Variants in DYM observed in about 807,000 individuals in gnomAD.
The protein encoded by DYM is dymeclin.
DYM carries 78 observed loss-of-function variants against 93.1 expected under a neutral mutation model. The ratio of observed to expected loss-of-function variants is 0.84; its 90% confidence interval spans 0.70 to 1.01. The LOEUF is 1.01. DYM is among the 50% of genes least tolerant of loss of function. The pLI is 0.00. For synonymous variants in DYM, 321 were observed against 319.7 expected, an observed-to-expected ratio of 1.00 and a Z score of -0.04; for missense variants, 789 against 845.0, an observed-to-expected ratio of 0.93 and a Z score of 0.82.
intron 13 of DYM, among the ~76,000 whole-genome samples, chr18:49,212,649 C>G (rs1185810771): frequency 1.3e-5 from 2 of 152,076 alleles, no homozygotes; most frequent in East Asian, 3.9e-4. Flanking sequence ...GTGTGTGCCA[C>G]CACACTCAGC....
intron 5 of DYM, among the ~76,000 whole-genome samples, chr18:49,369,095 T>G (rs569711622): frequency 6.6e-6 from 1 of 152,332 alleles, no homozygotes; most frequent in East Asian, 1.9e-4. Context: ...GACGCTGAAA[T>G]GTAAGCCTTT....
chr18:49,116,103 A>G (rs1179118981), intron 16 of DYM: 1 of 152,230 alleles, frequency 6.6e-6, no homozygotes, highest in Non-Finnish European at 1.5e-5. Context: ...GGACATGCCC[A>G]GTTATAAGAA....
chr18:49,136,895 AT>A (rs2083910492), intron 15 of DYM, among the ~76,000 whole-genome samples: 1 of 152,144 alleles, frequency 6.6e-6, no homozygotes, highest in Admixed American at 6.5e-5. Flanking sequence ...TAAGGAAAAG[AT>A]TTTGTTAAGA....
At chr18:49,286,325 T>C (rs1599129689) in intron 9 of DYM, 109 bp downstream of exon 9, 2 of 1,305,996 alleles carry the variant, frequency 1.5e-6, no homozygotes, top group Non-Finnish European at 2.2e-6. Flanking sequence ...TTGACCAATA[T>C]GAAAACATAC....
intron 6 of DYM, among the ~76,000 whole-genome samples, chr18:49,354,245 T>C (rs1474184676): frequency 1.3e-5 from 2 of 151,784 alleles, no homozygotes; most frequent in African/African-American, 4.8e-5. Flanking sequence ...AAATATGAAA[T>C]GCAAAACTAT....
intron 17 of DYM, among the ~76,000 whole-genome samples, chr18:49,072,011 C>T (rs1268223039): frequency 6.6e-6 from 1 of 152,220 alleles, no homozygotes; most frequent in Non-Finnish European, 1.5e-5. Flanking sequence ...ACACTGCACT[C>T]AACAGACTGG....
At chr18:49,226,261 T>C (rs927289453) in intron 13 of DYM, among the ~76,000 whole-genome samples, 1 of 152,182 alleles carries the variant, frequency 6.6e-6, no homozygotes, top group Admixed American at 6.5e-5. Context: ...AGATGTACCA[T>C]CTATATTTAC....
At chr18:49,393,454 T>G (rs1183256732) in intron 2 of DYM, among the ~76,000 whole-genome samples, 4 of 152,082 alleles carry the variant, frequency 2.6e-5, no homozygotes, top group Non-Finnish European at 5.9e-5. Flanking sequence ...ATACACACAA[T>G]GGAATATTAT....
intron 15 of DYM, among the ~76,000 whole-genome samples, chr18:49,128,157 G>A (rs904314481): frequency 6.6e-6 from 1 of 152,222 alleles, no homozygotes; most frequent in East Asian, 1.9e-4. Context: ...TACAAAGAGT[G>A]TTCTGATTGA....
Position 49,042,311 on chromosome 18 carries a change from GACCCC to G in DYM, c.*1739_*1743del, listed in dbSNP as rs1290084638. On this transcript the variant is annotated 3_prime_UTR_variant, in exon 18 of 18. Transcript: ENST00000675505. ...GGAGGCAAGCTGCACTCACCTCTGG[GACCCC>G]ACCCGGGATGGGCGCTCCACGAGTC... The G allele has an allele frequency of 6.6e-6, 1 of 152,638 alleles. No individual in the cohort carries two copies. The highest frequency in any genetic ancestry group is 1.5e-5 in the Non-Finnish European group (1 of 68,146). The allele number at this position is 152,638 out of a possible 1,614,324, so 9.5% of individuals were successfully genotyped here.
At chr18:49,133,442 C>G (rs2083555076) in intron 15 of DYM, among the ~76,000 whole-genome samples, 1 of 152,190 alleles carries the variant, frequency 6.6e-6, no homozygotes, top group Non-Finnish European at 1.5e-5. Context: ...TGCAGACATT[C>G]AGATAGGTTT....
chr18:49,441,303 A>ATATAT, intron 1 of DYM, among the ~76,000 whole-genome samples: 1 of 43,760 alleles, frequency 2.3e-5, no homozygotes, highest in South Asian at 6.4e-4. Flanking sequence ...ATATAATTAT[A>ATATAT]TATAATTAAT....
intron 2 of DYM, among the ~76,000 whole-genome samples, chr18:49,424,347 G>A (rs1034823924): frequency 3.3e-5 from 5 of 151,956 alleles, no homozygotes; most frequent in East Asian, 1.9e-4. Context: ...AAATTCAACA[G>A]CCCTTCATGC....
chr18:49,145,133 AT>A lies in DYM; in HGVS notation c.1728+18551del, dbSNP rs1273056100. ...CATATATATATATATATATATATATATAATTTATATATATAATATACAAATA... is the reference window on the plus strand; with the variant it reads ...CATATATATATATATATATATATATAAATTTATATATATAATATACAAATA... On this transcript the variant is annotated intron_variant, in intron 15 of 17. Transcript: ENST00000675505. 1.6e-3 allele frequency among the ~76,000 whole-genome samples: 192 copies of A among 118,450 alleles called. 9 individuals are homozygous for A. The highest frequency in any genetic ancestry group is 5.7e-3 in the South Asian group (20 of 3,508). The allele number at this position is 118,450 out of a possible 152,430, so 77.7% of individuals were successfully genotyped here. A position where few individuals can be genotyped will look rare whatever the true frequency, so the allele number is the denominator to read the frequency against.
intron 11 of DYM, among the ~76,000 whole-genome samples, chr18:49,266,959 G>GA (rs1005050126): frequency 1.3e-5 from 2 of 150,944 alleles, no homozygotes; most frequent in Middle Eastern, 3.2e-3. Context: ...AAACGTTGGG[G>GA]AAAAAAAAGG....
At chr18:49,179,255 C>T (rs774513933) in intron 14 of DYM, among the ~76,000 whole-genome samples, 12 of 152,096 alleles carry the variant, frequency 7.9e-5, no homozygotes, top group Non-Finnish European at 1.2e-4. Context: ...ATCTGAAGCT[C>T]AGTAGCTTTG....
chr18:49,315,074 G>C (rs1182525870), intron 8 of DYM, among the ~76,000 whole-genome samples: 2 of 152,072 alleles, frequency 1.3e-5, no homozygotes, highest in Non-Finnish European at 2.9e-5. Flanking sequence ...AATTAGCTGG[G>C]TATAGTGGCA....
chr18:49,183,705 C>T (rs1486415872), intron 14 of DYM, among the ~76,000 whole-genome samples: 1 of 152,100 alleles, frequency 6.6e-6, no homozygotes, highest in Non-Finnish European at 1.5e-5. Context: ...TTGAACTGAA[C>T]TCAGAAATAA....
chr18:49,218,699 G>A (rs1406210149), intron 13 of DYM, among the ~76,000 whole-genome samples: 1 of 152,164 alleles, frequency 6.6e-6, no homozygotes, highest in Non-Finnish European at 1.5e-5. Flanking sequence ...GATGTTCTTT[G>A]AAACCAATGA....
Sources: gnomAD v4.1 joint callset for allele counts (sites outside exome capture counted in the v4.1 genomes callset) on GRCh38, gnomAD v4.1.1 for gene constraint, MANE v1.5 for transcripts, NCBI Gene and HGNC (gene_info 2026-07-23, HGNC 2026-07-21) for gene names.